The following CPS1 variants were observed in gnomAD, a reference collection of about 807,000 sequenced individuals.
CPS1 encodes the protein carbamoyl-phosphate synthase 1.
CPS1 carries 109 observed loss-of-function variants against 174.6 expected under a neutral mutation model. That is an observed-to-expected ratio of 0.62 (90% CI 0.53 to 0.73). The LOEUF is 0.73. Among genes scored for constraint, CPS1 ranks in the 30% least tolerant of loss-of-function variants. The pLI is 0.00. For missense variants in CPS1, 1,689 were observed against 1,821.9 expected (o/e 0.93, Z 1.33); for synonymous variants, 637 against 632.0 (o/e 1.01, Z -0.12).
intron 1 of CPS1, among the ~76,000 whole-genome samples, chr2:210,487,541 T>C (rs1368544785): frequency 6.6e-6 from 1 of 152,170 alleles, no homozygotes; most frequent in East Asian, 1.9e-4. Context: ...AAAGCATCAG[T>C]TGTACATATT....
intron 32 of CPS1, among the ~76,000 whole-genome samples, chr2:210,661,403 T>C (rs1700918078): frequency 6.6e-6 from 1 of 152,188 alleles, no homozygotes; most frequent in Non-Finnish European, 1.5e-5. Context: ...AATTAATATA[T>C]TTATGTAACA....
At chr2:210,677,777 C>T in intron 37 of CPS1, 110 bp from the exon 38 acceptor site, 1 of 893,998 alleles carries the variant, frequency 1.1e-6, no homozygotes, top group East Asian at 2.4e-5. Flanking sequence ...TGCCTTTTAT[C>T]CCATACCCCT....
chr2:210,571,183 ACT>A (rs999190712), intron 1 of CPS1, among the ~76,000 whole-genome samples: 8 of 151,940 alleles, frequency 5.3e-5, no homozygotes, highest in Non-Finnish European at 8.8e-5. Flanking sequence ...GTGCTGAGTA[ACT>A]CTAAAGTATT....
chr2:210,611,804 C>A (rs1699130465), intron 19 of CPS1, among the ~76,000 whole-genome samples: 1 of 151,744 alleles, frequency 6.6e-6, no homozygotes, highest in Non-Finnish European at 1.5e-5. Flanking sequence ...TATGCTTCAA[C>A]CTTGAATTTC....
intron 1 of CPS1, among the ~76,000 whole-genome samples, chr2:210,518,481 G>T (rs575127949): frequency 6.6e-6 from 1 of 151,988 alleles, no homozygotes; most frequent in East Asian, 1.9e-4. Flanking sequence ...GTAATGTCCA[G>T]CTTACTGAAA....
intron 21 of CPS1, among the ~76,000 whole-genome samples, chr2:210,626,010 G>A (rs921905958): frequency 1.6e-4 from 24 of 152,052 alleles, no homozygotes; most frequent in African/African-American, 4.8e-4. Context: ...CGTAAATATT[G>A]CATATATCCT....
intron 22 of CPS1, 64 bp downstream of exon 22, chr2:210,637,907 C>A: frequency 2.5e-6 from 4 of 1,572,904 alleles, no homozygotes; most frequent in Middle Eastern, 1.9e-4. Context: ...AACGTAGGCA[C>A]CCATTCAAAA....
At chr2:210,557,163 G>A (rs1205369396) in intron 1 of CPS1, among the ~76,000 whole-genome samples, 3 of 152,004 alleles carry the variant, frequency 2.0e-5, no homozygotes, top group Non-Finnish European at 4.4e-5. Flanking sequence ...TCTGTGACTA[G>A]ATACTATTGC....
intron 1 of CPS1, among the ~76,000 whole-genome samples, chr2:210,493,052 T>C (rs1271347506): frequency 6.6e-6 from 1 of 152,190 alleles, no homozygotes; most frequent in Admixed American, 6.5e-5. Context: ...AATAATACCG[T>C]GTTTTGGTGC....
At chr2:210,536,463 G>A (rs1696256234) in intron 1 of CPS1, among the ~76,000 whole-genome samples, 2 of 152,066 alleles carry the variant, frequency 1.3e-5, no homozygotes, top group South Asian at 2.1e-4. Context: ...TGGGACTACA[G>A]GCGCCCGCCA....
chr2:210,479,473 C>A (rs1293304016), intron 1 of CPS1, among the ~76,000 whole-genome samples: 2 of 152,034 alleles, frequency 1.3e-5, no homozygotes, highest in Non-Finnish European at 2.9e-5. Context: ...GGATTACAGG[C>A]ACACACCACC....
At chr2:210,629,895 A>C (rs953404500) in intron 21 of CPS1, among the ~76,000 whole-genome samples, 2 of 145,606 alleles carry the variant, frequency 1.4e-5, no homozygotes, top group African/African-American at 5.0e-5. Flanking sequence ...ATAAAAATAC[A>C]AAAAAAAAAT....
intron 1 of CPS1, 79 bp from the exon 2 acceptor site, chr2:210,573,215 ATGTC>A (rs1697575250): frequency 8.5e-7 from 1 of 1,174,872 alleles, no homozygotes; most frequent in South Asian, 1.2e-5. Context: ...TTTATTTAAT[ATGTC>A]TGTGTATTTT....
intron 34 of CPS1, among the ~76,000 whole-genome samples, chr2:210,669,148 C>G (rs1701207545): frequency 6.6e-6 from 1 of 152,092 alleles, no homozygotes; most frequent in Non-Finnish European, 1.5e-5. Flanking sequence ...AATGCACTGT[C>G]AATTTATTGA....
chr2:210,553,845 A>C (rs920554256), upstream of CPS1, among the ~76,000 whole-genome samples: 14 of 151,862 alleles, frequency 9.2e-5, no homozygotes, highest in Admixed American at 9.2e-4. Context: ...ACTAATGTGT[A>C]ATATATTTTT....
upstream of CPS1, among the ~76,000 whole-genome samples, chr2:210,551,691 T>C (rs1489307741): frequency 6.6e-6 from 1 of 152,010 alleles, no homozygotes; most frequent in Non-Finnish European, 1.5e-5. Context: ...CTCCAAACTT[T>C]ATGTTATCAA....
intron 1 of CPS1, among the ~76,000 whole-genome samples, chr2:210,535,831 T>C (rs2106006060): frequency 6.7e-6 from 1 of 150,100 alleles, no homozygotes; most frequent in East Asian, 2.0e-4. Flanking sequence ...TTTTTTTTTT[T>C]TTTTTTTTGA....
chr2:210,559,939 C>T (rs2106043807), intron 1 of CPS1, among the ~76,000 whole-genome samples: 1 of 152,104 alleles, frequency 6.6e-6, no homozygotes, highest in South Asian at 2.1e-4. Context: ...AAAAAAAATT[C>T]CATTCTATAC....
rs1283376548 is a variant in CPS1 at position 210,647,869 on chromosome 2, G to C, written c.3148G>C (p.Gly1050Arg). The stretch of plus-strand genomic sequence containing the variant: ...TTGTGAGTGTATTTTCCAGGCATGT[G>C]GTGGCTGCATCATATCAGTTGGAGG... The part of the protein sequence containing the change: ...ILDIYHQEAC[G>R]GCIISVGGQI... Residue 1050 changes from glycine to arginine, a missense_variant, in exon 26 of 38, where the codon GGT (glycine) becomes CGT (arginine). Transcript: ENST00000233072. 13 of 1,613,952 alleles carry C rather than the reference G, an allele frequency of 8.1e-6. No individual in the cohort carries two copies. Among genetic ancestry groups the C allele is most frequent in the Non-Finnish European group, 1.1e-5 (13 of 1,179,890 alleles).
Sources: allele counts gnomAD v4.1 joint callset (sites outside exome capture counted in the v4.1 genomes callset), GRCh38; gene constraint gnomAD v4.1.1; transcripts MANE v1.5; gene names NCBI Gene and HGNC (gene_info 2026-07-23, HGNC 2026-07-21).